LRRC7: variants seen among roughly 807,000 people sequenced by gnomAD.
The protein encoded by LRRC7 is leucine-rich repeat-containing protein 7.
In LRRC7, 23 loss-of-function variants were observed where a neutral mutation model predicts 175.7. The observed-to-expected ratio is 0.13, with a 90% CI of 0.09 to 0.19. The LOEUF (loss-of-function observed/expected upper bound fraction) is 0.19, where lower values mean the gene tolerates loss of function less well. Among genes scored for constraint, LRRC7 ranks in the 10% least tolerant of loss-of-function variants. The pLI, the probability that LRRC7 is intolerant of heterozygous loss-of-function variation, is 1.00. For synonymous variants in LRRC7, 685 were observed against 680.9 expected (o/e 1.01, Z -0.09); for missense variants, 1,354 against 1,904.7 (o/e 0.71, Z 5.38).
chr1:69,895,935 C>T (rs1015634756), intron 7 of LRRC7, among the ~76,000 whole-genome samples: 9 of 151,950 alleles, frequency 5.9e-5, no homozygotes, highest in Admixed American at 4.6e-4. Flanking sequence ...GAAAAGAAGC[C>T]GCAAAGATAA....
At chr1:69,935,304 AAGCAGGTAGTGCTTGAATAG>A (rs1647887877) in intron 8 of LRRC7, among the ~76,000 whole-genome samples, 1 of 152,146 alleles carries the variant, frequency 6.6e-6, no homozygotes, top group Non-Finnish European at 1.5e-5. Context: ...TGTGCTATTC[AAGCAGGTAGTGCTTGAATAG>A]ATTTAAAATT....
At chr1:69,583,342 ATAATC>A (rs1646274712) in intron 1 of LRRC7, among the ~76,000 whole-genome samples, 1 of 152,070 alleles carries the variant, frequency 6.6e-6, no homozygotes, top group South Asian at 2.1e-4. Context: ...AATATGAAAT[ATAATC>A]TAATTAATTA....
chr1:69,603,669 C>T (rs1045135784), intron 1 of LRRC7, among the ~76,000 whole-genome samples: 10 of 152,032 alleles, frequency 6.6e-5, no homozygotes, highest in Non-Finnish European at 1.2e-4. Context: ...AGTAGAAATT[C>T]TTACTTTAAT....
chr1:69,958,923 GA>G (rs1384700849), intron 8 of LRRC7, among the ~76,000 whole-genome samples: 1 of 152,038 alleles, frequency 6.6e-6, no homozygotes, highest in Non-Finnish European at 1.5e-5. Context: ...TGAGGAGGCT[GA>G]AGCCCAAGCT....
intron 7 of LRRC7, among the ~76,000 whole-genome samples, chr1:69,889,502 A>G (rs1309493574): frequency 6.6e-6 from 1 of 152,170 alleles, no homozygotes; most frequent in African/African-American, 2.4e-5. Context: ...CCAGGAGTAG[A>G]TTCCATCTCA....
chr1:69,688,494 C>T (rs776803676), intron 2 of LRRC7, among the ~76,000 whole-genome samples: 5 of 152,062 alleles, frequency 3.3e-5, no homozygotes, highest in Admixed American at 1.3e-4. Context: ...ATAAGACAGG[C>T]GTCAGAACTT....
intron 1 of LRRC7, among the ~76,000 whole-genome samples, chr1:69,618,416 G>T (rs1650024868): frequency 6.6e-6 from 1 of 152,124 alleles, no homozygotes; most frequent in Non-Finnish European, 1.5e-5. Context: ...TATACCCAAA[G>T]TTCTTTCATC....
chr1:70,085,838 T>A (rs1663568113), intron 24 of LRRC7, among the ~76,000 whole-genome samples: 1 of 152,212 alleles, frequency 6.6e-6, no homozygotes, highest in Non-Finnish European at 1.5e-5. Flanking sequence ...CATTAGAATG[T>A]AAGTTCTTTG....
intron 8 of LRRC7, among the ~76,000 whole-genome samples, chr1:69,941,220 C>G (rs1648676762): frequency 6.6e-6 from 1 of 151,880 alleles, no homozygotes; most frequent in South Asian, 2.1e-4. Flanking sequence ...GGGAGAGAAC[C>G]CTGTAAGACA....
At chr1:69,586,434 TCC>T (rs1232296043) in intron 1 of LRRC7, among the ~76,000 whole-genome samples, 1 of 152,012 alleles carries the variant, frequency 6.6e-6, no homozygotes, top group African/African-American at 2.4e-5. Context: ...AAAATGGGGC[TCC>T]CTAAGCCTCT....
chr1:70,121,692 C>T (rs1558086322), intron 26 of LRRC7, 88 bp from the exon 27 acceptor site: 2 of 803,724 alleles, frequency 2.5e-6, no homozygotes, highest in East Asian at 2.7e-5. Context: ...TTTTGTTGCT[C>T]AGTGCTCCCG....
At chr1:69,857,814 G>A (rs988419069) in intron 7 of LRRC7, among the ~76,000 whole-genome samples, 7 of 152,120 alleles carry the variant, frequency 4.6e-5, no homozygotes, top group Admixed American at 1.3e-4. Flanking sequence ...ACAATCCTAA[G>A]CCGAAAGAAC....
In LRRC7 at chr1:69,739,364, A is replaced by G. The variant is rs565093515; in HGVS notation, c.101-20827A>G. Among the ~76,000 whole-genome samples the G allele has an allele frequency of 2.0e-4, 30 of 152,218 alleles. No homozygotes were observed. In the East Asian group the frequency reaches 5.4e-3, roughly 28 times the overall value. The stretch of plus-strand genomic sequence containing the variant: ...TATATTAGTCACAGAAGGGGCAGCC[A>G]TAGGGCTTTCAGCTGGTCCCCTGTA... On this transcript the variant is annotated intron_variant, in intron 2 of 26. Coordinates refer to ENST00000651989, the MANE Select transcript of LRRC7 (RefSeq NM_001370785.2).
intron 7 of LRRC7, among the ~76,000 whole-genome samples, chr1:69,866,824 C>T (rs1428373030): frequency 6.6e-6 from 1 of 152,074 alleles, no homozygotes; most frequent in African/African-American, 2.4e-5. Flanking sequence ...TGAATGTGTA[C>T]CTCTATTTAT....
At chr1:69,877,713 G>A (rs1344259780) in intron 7 of LRRC7, among the ~76,000 whole-genome samples, 1 of 152,026 alleles carries the variant, frequency 6.6e-6, no homozygotes, top group Non-Finnish European at 1.5e-5. Flanking sequence ...ACTGCTTTCT[G>A]TCTTTATACA....
At position 70,128,602 on chromosome 1, in the gene LRRC7, T is replaced by C. The variant is rs1666541517; in HGVS notation, c.*6715T>C. The C allele has an allele frequency of 6.6e-6, 1 of 152,170 alleles. No homozygotes were observed. Among genetic ancestry groups the C allele is most frequent in the Non-Finnish European group, 1.5e-5 (1 of 68,028 alleles). 9.4% of individuals were successfully genotyped at this position (152,170 alleles called of 1,614,324 possible). On this transcript the variant is annotated 3_prime_UTR_variant, in exon 27 of 27. Transcript: ENST00000651989. Reference sequence around the variant, plus strand: ...ATATTATTCATAAACTGAAAACATTTGGAGACATTTCATTGAAGAATATAA... The same window carrying C: ...ATATTATTCATAAACTGAAAACATTCGGAGACATTTCATTGAAGAATATAA...
intron 7 of LRRC7, among the ~76,000 whole-genome samples, chr1:69,875,203 G>A (rs1033271265): frequency 1.3e-5 from 2 of 151,994 alleles, no homozygotes; most frequent in Admixed American, 6.6e-5. Context: ...TTGACTTTAT[G>A]ATGTTCTAAG....
intron 7 of LRRC7, among the ~76,000 whole-genome samples, chr1:69,928,186 C>T (rs948248691): frequency 4.6e-5 from 7 of 152,066 alleles, no homozygotes; most frequent in Admixed American, 2.6e-4. Flanking sequence ...GAGGAGTACC[C>T]GGCCGTGTGA....
intron 1 of LRRC7, among the ~76,000 whole-genome samples, chr1:69,595,425 CA>C (rs1183819620): frequency 2.0e-5 from 3 of 152,010 alleles, no homozygotes; most frequent in Non-Finnish European, 2.9e-5. Flanking sequence ...AAAAAACAAA[CA>C]AAAAACAAAC....
Sources: allele counts gnomAD v4.1 joint callset (sites outside exome capture counted in the v4.1 genomes callset), GRCh38; gene constraint gnomAD v4.1.1; transcripts MANE v1.5; gene names NCBI Gene and HGNC (gene_info 2026-07-23, HGNC 2026-07-21).